Variants in RGMA observed in about 807,000 individuals in gnomAD.
The protein encoded by RGMA is repulsive guidance molecule A.
Under a neutral mutation model 23.2 loss-of-function variants are expected in RGMA, and 10 were observed. The observed-to-expected ratio is 0.43, with a 90% CI of 0.27 to 0.73. RGMA has a LOEUF of 0.73. Ranked by LOEUF, RGMA falls within the 30% of genes least tolerant of loss-of-function variation. The pLI is 0.20. For missense variants in RGMA, 547 were observed against 630.5 expected (o/e 0.87, Z 1.42); for synonymous variants, 308 against 279.3 (o/e 1.10, Z -1.03).
chr15:93,048,535 C>T (rs891009355), intron 3 of RGMA, among the ~76,000 whole-genome samples: 4 of 152,108 alleles, frequency 2.6e-5, no homozygotes, highest in Admixed American at 6.5e-5. Flanking sequence ...TCGATTTCCT[C>T]GCATCCCTTC....
intron 1 of RGMA, among the ~76,000 whole-genome samples, chr15:93,076,858 C>T (rs1195849147): frequency 1.3e-5 from 2 of 152,162 alleles, no homozygotes; most frequent in African/African-American, 2.4e-5. Context: ...TGAGCAAGTC[C>T]GCACCGGGCT....
At position 93,040,080 on chromosome 15, in the gene RGMA, G is replaced by C. The variant is rs1391174992; in HGVS notation, c.*4918C>G. ...AACAATTAGCCGGGTGTGACGGCAG[G>C]CACCTGTAATCCCAGCTACTTGAGT... On this transcript the variant is annotated 3_prime_UTR_variant, in exon 4 of 4. Transcript: ENST00000329082. The C allele has an allele frequency of 6.6e-6, 1 of 152,136 alleles. No individual in the cohort carries two copies. The highest frequency in any genetic ancestry group is 1.5e-5 in the Non-Finnish European group (1 of 68,038). The allele number at this position is 152,136 out of a possible 1,614,324, so 9.4% of individuals were successfully genotyped here.
chr15:93,048,681 C>T (rs1465373019), intron 3 of RGMA, among the ~76,000 whole-genome samples: 2 of 152,174 alleles, frequency 1.3e-5, no homozygotes, highest in Non-Finnish European at 2.9e-5. Context: ...TGCTGCTACT[C>T]TACCATTCCT....
At chr15:93,070,743 T>C (rs1018678782) in intron 2 of RGMA, among the ~76,000 whole-genome samples, 19 of 152,180 alleles carry the variant, frequency 1.2e-4, no homozygotes, top group Non-Finnish European at 2.2e-4. Context: ...GAAGAAACAT[T>C]AGCCAGCTGG....
At chr15:93,047,844 G>A (rs992421215) in intron 3 of RGMA, among the ~76,000 whole-genome samples, 1 of 152,220 alleles carries the variant, frequency 6.6e-6, no homozygotes, top group African/African-American at 2.4e-5. Flanking sequence ...GGCACAGTGC[G>A]AGGTGCTAGA....
chr15:93,074,919 G>A (rs1272703611), intron 1 of RGMA, among the ~76,000 whole-genome samples: 1 of 152,162 alleles, frequency 6.6e-6, no homozygotes, highest in Non-Finnish European at 1.5e-5. Flanking sequence ...CCAATGAGAA[G>A]GGATCACTGG....
rs993930401 is a variant in RGMA at position 93,038,394 on chromosome 15, T to G, written c.*6604A>C. On this transcript the variant is annotated 3_prime_UTR_variant, in exon 4 of 4. Coordinates refer to ENST00000329082, the MANE Select transcript of RGMA (RefSeq NM_020211.3). Reference sequence around the variant, plus strand: ...CACAGGAAAGTGCAGTCCCTGCCCTTGTGTGTCTTGTCTGCTGGGAGACAC... The same window carrying G: ...CACAGGAAAGTGCAGTCCCTGCCCTGGTGTGTCTTGTCTGCTGGGAGACAC... 1 of 152,104 alleles carries G rather than the reference T, an allele frequency of 6.6e-6. No homozygotes were observed. Among genetic ancestry groups the G allele is most frequent in the Non-Finnish European group, 1.5e-5 (1 of 68,034 alleles). 9.4% of individuals were successfully genotyped at this position (152,104 alleles called of 1,614,324 possible).
In RGMA at chr15:93,089,108, G is replaced by A; in HGVS notation, c.-176C>T. 2.8e-6 allele frequency: 1 copy of A among 355,872 alleles called. No homozygotes were observed. The highest frequency in any genetic ancestry group is 5.0e-6 in the Non-Finnish European group (1 of 200,068). The allele number at this position is 355,872 out of a possible 1,614,324, so 22.0% of individuals were successfully genotyped here. A position where few individuals can be genotyped will look rare whatever the true frequency, so the allele number is the denominator to read the frequency against. ...AGCGCCTCCTGCTCCCGGGCTGCAT[G>A]CCTGCGAGCGCCTGGCGGAGCCGGC... On this transcript the variant is annotated 5_prime_UTR_variant, in exon 1 of 4. Coordinates refer to ENST00000329082, the MANE Select transcript of RGMA (RefSeq NM_020211.3).
chr15:93,045,350 G>C lies in RGMA; in HGVS notation c.1001C>G (p.Ala334Gly), dbSNP rs554947989. 2 of 1,612,542 alleles carry C rather than the reference G, an allele frequency of 1.2e-6. No individual in the cohort carries two copies. Among genetic ancestry groups the C allele is most frequent in the East Asian group, 4.5e-5 (2 of 44,810 alleles). ...QIDFQAFHTNAEGTGARRLAA... is the reference protein window; with the variant it reads ...QIDFQAFHTNGEGTGARRLAA... ...CAGCCTGCGGGCACCGGTGCCCTCAGCATTGGTGTGGAAGGCCTGGAAGTC... is the reference window on the plus strand; with the variant it reads ...CAGCCTGCGGGCACCGGTGCCCTCACCATTGGTGTGGAAGGCCTGGAAGTC... The change falls in exon 4 of 4, where the codon GCT becomes GGT. Residue 334 changes from alanine (A) to glycine (G), a missense_variant. This residue lies in a region of RGMA where 205 missense variants were observed against 204.1 expected (regional missense o/e 1.00). Transcript: ENST00000329082. This position sits in a 1 kb window ranked among gnomAD's most constrained non-coding sequence, Gnocchi z 6.9.
chr15:93,055,463 CA>C lies in RGMA; in HGVS notation c.131-2957del, dbSNP rs2054998553. Among the ~76,000 whole-genome samples, 4 of 152,212 alleles carry C rather than the reference CA, an allele frequency of 2.6e-5. No homozygotes were observed. The South Asian group carries it at 8.3e-4, about 31-fold the overall frequency. ...CGGTGCGACTGCCATCCCCAGCTCT[CA>C]GGGGAAAGCCGGGCTCTGCTGGGCT... On this transcript the variant is annotated intron_variant, in intron 2 of 3. Coordinates refer to ENST00000329082, the MANE Select transcript of RGMA (RefSeq NM_020211.3).
intron 2 of RGMA, among the ~76,000 whole-genome samples, chr15:93,056,589 C>A (rs1386502522): frequency 6.6e-6 from 1 of 152,146 alleles, no homozygotes; most frequent in Non-Finnish European, 1.5e-5. Context: ...CCAGGGTCCC[C>A]GTCTCCCCGA....
At chr15:93,072,189 C>T (rs1567193131) in intron 2 of RGMA, among the ~76,000 whole-genome samples, 1 of 152,082 alleles carries the variant, frequency 6.6e-6, no homozygotes, top group Non-Finnish European at 1.5e-5. Flanking sequence ...GTCTCCCTTC[C>T]CCCAACAAAA....
At chr15:93,078,762 C>G (rs1257756431) in intron 1 of RGMA, among the ~76,000 whole-genome samples, 1 of 152,190 alleles carries the variant, frequency 6.6e-6, no homozygotes, top group Non-Finnish European at 1.5e-5. Context: ...TTGGGTAGAG[C>G]CCAGGTAGAA....
intron 2 of RGMA, 67 bp from the exon 3 acceptor site, chr15:93,052,574 G>T: frequency 6.9e-7 from 1 of 1,459,396 alleles, no homozygotes; most frequent in Non-Finnish European, 9.1e-7. Flanking sequence ...GCTACCATCT[G>T]TGGGCCAGGG....
At chr15:93,058,476 T>C (rs1160834905) in intron 2 of RGMA, among the ~76,000 whole-genome samples, 1 of 152,250 alleles carries the variant, frequency 6.6e-6, no homozygotes, top group East Asian at 1.9e-4. Context: ...GCCAGTTTTG[T>C]GTTAACTTTG....
chr15:93,058,155 T>C (rs2055044058), intron 2 of RGMA, among the ~76,000 whole-genome samples: 2 of 152,086 alleles, frequency 1.3e-5, no homozygotes, highest in African/African-American at 2.4e-5. Flanking sequence ...GAAAGAAAAA[T>C]AAGGATACTT....
At chr15:93,056,656 C>T (rs1192384771) in intron 2 of RGMA, among the ~76,000 whole-genome samples, 1 of 152,164 alleles carries the variant, frequency 6.6e-6, no homozygotes, top group Non-Finnish European at 1.5e-5. Flanking sequence ...CCCACTATTC[C>T]CTCCAAGTTC....
chr15:93,065,253 G>A (rs1269261853), intron 2 of RGMA, among the ~76,000 whole-genome samples: 2 of 151,786 alleles, frequency 1.3e-5, no homozygotes. Context: ...TTGGGGGCCG[G>A]GAGAAAACAA....
rs764061490 is a variant in RGMA, at chr15:93,088,942, C to A, written c.-10G>T. On this transcript the variant is annotated 5_prime_UTR_variant, in exon 1 of 4. Transcript: ENST00000329082. Reference sequence around the variant, plus strand: ...ACCTTGGCGGCTGCATGAGCCCCTGCGGCCCGCGGGGGGTGGCGCTGGCGG... The same window carrying A: ...ACCTTGGCGGCTGCATGAGCCCCTGAGGCCCGCGGGGGGTGGCGCTGGCGG... 1 of 1,409,808 alleles carries A rather than the reference C, an allele frequency of 7.1e-7. No individual in the cohort carries two copies. The highest frequency in any genetic ancestry group is 9.2e-7 in the Non-Finnish European group (1 of 1,089,696). 87.3% of individuals were successfully genotyped at this position (1,409,808 alleles called of 1,614,324 possible).
Sources: allele counts gnomAD v4.1 joint callset (sites outside exome capture counted in the v4.1 genomes callset), GRCh38; gene constraint gnomAD v4.1.1; regional missense constraint gnomAD v4.1.1; non-coding constraint Gnocchi (gnomAD v3.1); transcripts MANE v1.5; gene names NCBI Gene and HGNC (gene_info 2026-07-23, HGNC 2026-07-21).